The following CEMIP variants were observed in gnomAD, a reference collection of about 807,000 sequenced individuals.
CEMIP encodes cell migration-inducing and hyaluronan-binding protein.
In CEMIP, 105 loss-of-function variants were observed where a neutral mutation model predicts 156.9. That is an observed-to-expected ratio of 0.67 (90% CI 0.57 to 0.79). The LOEUF is 0.79. Ranked by LOEUF, CEMIP falls within the 30% of genes least tolerant of loss-of-function variation. CEMIP has a pLI of 0.00. For synonymous variants in CEMIP, 676 were observed against 668.4 expected, an observed-to-expected ratio of 1.01 and a Z score of -0.17; for missense variants, 1,457 against 1,769.4, an observed-to-expected ratio of 0.82 and a Z score of 3.17.
At chr15:80,931,451 C>T (rs952034861) in intron 21 of CEMIP, among the ~76,000 whole-genome samples, 3 of 152,102 alleles carry the variant, frequency 2.0e-5, no homozygotes, top group South Asian at 2.1e-4. Context: ...AATATTGGCA[C>T]GCTCCAGTGG....
chr15:80,855,459 C>T (rs1284704862), intron 1 of CEMIP, among the ~76,000 whole-genome samples: 2 of 151,774 alleles, frequency 1.3e-5, no homozygotes, highest in Non-Finnish European at 2.9e-5. Context: ...AAACACAGCT[C>T]GTTCTCACTG....
At position 80,944,945 on chromosome 15, in the gene CEMIP, C is replaced by G. The variant is rs187846202; in HGVS notation, c.3857+1843C>G. Among the ~76,000 whole-genome samples the G allele has an allele frequency of 6.9e-3, 1,049 of 152,292 alleles. 15 individuals are homozygous for G. Among genetic ancestry groups the G allele is most frequent in the African/African-American group, 0.024 (1,004 of 41,566 alleles). On this transcript the variant is annotated intron_variant, in intron 28 of 29. Transcript: ENST00000394685. ...CACTCCCTGGGCTGGCGCTGGGCAC[C>G]CAGGCAGGCATTGGTACCACTAGAC...
At position 80,830,545 on chromosome 15, in the gene CEMIP, C is replaced by T. The variant is rs191958712; in HGVS notation, c.-175-42993C>T. Among the ~76,000 whole-genome samples, 43 of 152,316 alleles carry T rather than the reference C, an allele frequency of 2.8e-4. 1 individual carries two copies. The East Asian group carries it at 5.6e-3, about 20-fold the overall frequency. On this transcript the variant is annotated intron_variant, in intron 1 of 29. Coordinates refer to ENST00000394685, the MANE Select transcript of CEMIP (RefSeq NM_001293298.2). ...ATGGGATCAACCTTCCTATCCCCTC[C>T]CTCCTGCCTCGAGGGTACTTTGAGC...
At position 80,950,507 on chromosome 15, in the gene CEMIP, A is replaced by T. The variant is rs547878496; in HGVS notation, c.*1583A>T. ...GGTGTTGGCGGTCCCTGTGGCCTTC[A>T]CTTTGTTCACTACCTGTCAGCCCAG... On this transcript the variant is annotated 3_prime_UTR_variant, in exon 30 of 30. Transcript: ENST00000394685. 6.6e-6 allele frequency: 1 copy of T among 152,380 alleles called. No individual in the cohort carries two copies. Among genetic ancestry groups the T allele is most frequent in the African/African-American group, 2.4e-5 (1 of 41,576 alleles). The allele number at this position is 152,380 out of a possible 1,614,324, so 9.4% of individuals were successfully genotyped here. A position where few individuals can be genotyped will look rare whatever the true frequency, so the allele number is the denominator to read the frequency against.
chr15:80,820,454 G>A (rs1343619553), intron 1 of CEMIP, among the ~76,000 whole-genome samples: 5 of 152,134 alleles, frequency 3.3e-5, no homozygotes. Flanking sequence ...TTTTTGATGG[G>A]TCAAGGTTTT....
intron 14 of CEMIP, among the ~76,000 whole-genome samples, chr15:80,913,006 G>C (rs1402247604): frequency 6.6e-6 from 1 of 152,050 alleles, no homozygotes; most frequent in Non-Finnish European, 1.5e-5. Flanking sequence ...CAGACAAGCA[G>C]ATACTGGCTC....
At chr15:80,821,921 C>T (rs1009617291) in intron 1 of CEMIP, among the ~76,000 whole-genome samples, 1 of 152,230 alleles carries the variant, frequency 6.6e-6, no homozygotes, top group Non-Finnish European at 1.5e-5. Flanking sequence ...TAGAGGCCGC[C>T]ATGTTGGAAG....
In CEMIP at chr15:80,881,053, T is replaced by TA; in HGVS notation, c.534_535insA (p.Phe179IlefsTer3). The TA allele has an allele frequency of 1.2e-6, 2 of 1,614,122 alleles. No individual in the cohort carries two copies. The highest frequency in any genetic ancestry group is 1.7e-6 in the Non-Finnish European group (2 of 1,179,958). On this transcript the variant is annotated frameshift_variant, in exon 6 of 30. Transcript: ENST00000394685. LOFTEE classifies it high-confidence loss of function. ...CAGGTGGCATGGCAGAAGGAGGCTATTTTTTTGAAAGGAGCTGGGGCCACC... is the reference window on the plus strand; with the variant it reads ...CAGGTGGCATGGCAGAAGGAGGCTATATTTTTTGAAAGGAGCTGGGGCCACC...
intron 6 of CEMIP, among the ~76,000 whole-genome samples, chr15:80,882,617 T>C (rs778249819): frequency 7.2e-5 from 11 of 152,236 alleles, no homozygotes; most frequent in Non-Finnish European, 1.6e-4. Flanking sequence ...TGAGAAGTGA[T>C]CTGGACAGAT....
At position 80,932,530 on chromosome 15, in the gene CEMIP, G is replaced by A. The variant is rs1401591771; in HGVS notation, c.2793+491G>A. ...GCAGAAGAGGGGCGGAGGATTAGGA[G>A]ATCAGGAGCAAGGGCTGCCCTGTGA... On this transcript the variant is annotated intron_variant, in intron 22 of 29. Coordinates refer to ENST00000394685, the MANE Select transcript of CEMIP (RefSeq NM_001293298.2). This position sits in a 1 kb window ranked among gnomAD's most constrained non-coding sequence, Gnocchi z 4.5. 6.6e-6 allele frequency among the ~76,000 whole-genome samples: 1 copy of A among 152,154 alleles called. No homozygotes were observed. Among genetic ancestry groups the A allele is most frequent in the African/African-American group, 2.4e-5 (1 of 41,426 alleles).
chr15:80,832,530 G>T (rs1897180007), intron 1 of CEMIP, among the ~76,000 whole-genome samples: 1 of 152,078 alleles, frequency 6.6e-6, no homozygotes, highest in Admixed American at 6.6e-5. Context: ...ATTTGAATTA[G>T]ATCGGAATGA....
intron 15 of CEMIP, 141 bp downstream of exon 15, chr15:80,920,440 A>C: frequency 4.3e-6 from 3 of 703,962 alleles, no homozygotes; most frequent in Non-Finnish European, 7.0e-6. Flanking sequence ...TTAACCACCT[A>C]CGGCTCCAGC....
chr15:80,843,384 G>A (rs1006067135), intron 1 of CEMIP, among the ~76,000 whole-genome samples: 1 of 152,292 alleles, frequency 6.6e-6, no homozygotes, highest in Non-Finnish European at 1.5e-5. Context: ...GAATATATCA[G>A]TCAAGAAGAC....
chr15:80,790,821 G>A (rs1036756007), intron 1 of CEMIP, among the ~76,000 whole-genome samples: 5 of 152,152 alleles, frequency 3.3e-5, no homozygotes, highest in African/African-American at 1.2e-4. Context: ...CTAGATACTT[G>A]GGTTTCAGAG....
intron 1 of CEMIP, among the ~76,000 whole-genome samples, chr15:80,805,611 T>C (rs1019630811): frequency 6.6e-6 from 1 of 152,240 alleles, no homozygotes; most frequent in African/African-American, 2.4e-5. Context: ...TAATTAACTT[T>C]ATTATTATGT....
intron 1 of CEMIP, among the ~76,000 whole-genome samples, chr15:80,830,001 TGCGC>T (rs199685035): frequency 2.0e-4 from 16 of 81,498 alleles, no homozygotes; most frequent in African/African-American, 3.1e-4. Context: ...TGTGTGTGTG[TGCGC>T]GCATGTCCTT....
intron 13 of CEMIP, among the ~76,000 whole-genome samples, chr15:80,908,796 G>A (rs1378581960): frequency 6.6e-6 from 1 of 152,116 alleles, no homozygotes; most frequent in South Asian, 2.1e-4. Context: ...TGATGGTTTG[G>A]GAGACAGGAA....
intron 1 of CEMIP, among the ~76,000 whole-genome samples, chr15:80,864,789 T>C (rs1049882710): frequency 6.6e-6 from 1 of 152,228 alleles, no homozygotes; most frequent in Non-Finnish European, 1.5e-5. Flanking sequence ...TAGTTAATAC[T>C]CTGTAACTAA....
chr15:80,921,610 C>G (rs576183694), intron 16 of CEMIP, among the ~76,000 whole-genome samples: 9 of 152,346 alleles, frequency 5.9e-5, no homozygotes, highest in African/African-American at 1.7e-4. Flanking sequence ...CCCACCCGTC[C>G]ATGCTGCTGG....
Sources: allele counts gnomAD v4.1 joint callset (sites outside exome capture counted in the v4.1 genomes callset), GRCh38; gene constraint gnomAD v4.1.1; non-coding constraint Gnocchi (gnomAD v3.1); transcripts MANE v1.5; gene names NCBI Gene and HGNC (gene_info 2026-07-23, HGNC 2026-07-21).